The following TG variants were observed in gnomAD, a reference collection of about 807,000 sequenced individuals.
TG encodes the protein thyroglobulin.
In TG, 270 loss-of-function variants were observed where a neutral mutation model predicts 324.7. The observed-to-expected ratio is 0.83, with a 90% CI of 0.75 to 0.92. The LOEUF is 0.92. TG is among the 40% of genes least tolerant of loss of function. TG has a pLI of 0.00. For synonymous variants in TG, 1,401 were observed against 1,327.0 expected (o/e 1.06, Z -1.21); for missense variants, 3,591 against 3,456.4 (o/e 1.04, Z -0.98).
At chr8:133,098,033 C>T (rs973855439) in intron 43 of TG, among the ~76,000 whole-genome samples, 4 of 152,018 alleles carry the variant, frequency 2.6e-5, no homozygotes, top group Non-Finnish European at 2.9e-5. Context: ...ACAGCCAGGG[C>T]AAAATACCTT....
At position 132,873,166 on chromosome 8, in the gene TG, A is replaced by G. The variant is rs375719895; in HGVS notation, c.583A>G (p.Lys195Glu). The G allele has an allele frequency of 8.1e-6, 13 of 1,614,052 alleles. No homozygotes were observed. The highest frequency in any genetic ancestry group is 4.0e-5 in the African/African-American group (3 of 74,900). ...AEGEFMPVQC[K>E]FVNTTDMMIF... ...GGGAGAGTTTATGCCTGTCCAGTGC[A>G]AATTTGTCAACACCACAGACATGAT... The change falls in exon 5 of 48, where the codon AAA (lysine) becomes GAA (glutamate). Residue 195 changes from lysine to glutamate, a missense_variant. Lys to Glu is a moderately conservative substitution (Grantham distance 56). Transcript: ENST00000220616.
At chr8:133,075,849 A>C (rs1384516844) in intron 41 of TG, among the ~76,000 whole-genome samples, 1 of 152,168 alleles carries the variant, frequency 6.6e-6, no homozygotes, top group Non-Finnish European at 1.5e-5. Context: ...ATACTTGGTG[A>C]GCCTAGGTGA....
At chr8:133,132,072 C>A in intron 46 of TG, 126 bp downstream of exon 46, 1 of 1,409,184 alleles carries the variant, frequency 7.1e-7, no homozygotes. Context: ...CTATAATCAC[C>A]AGCCACTGGC....
At chr8:132,901,649 G>T (rs1817949843) in intron 16 of TG, 96 bp downstream of exon 16, 9 of 1,364,590 alleles carry the variant, frequency 6.6e-6, no homozygotes, top group Middle Eastern at 2.6e-4. Context: ...AGGCAGGGGT[G>T]GGAGGGGAGG....
intron 41 of TG, among the ~76,000 whole-genome samples, chr8:133,094,234 G>GTCGTTT (rs1393132820): frequency 7.2e-6 from 1 of 139,760 alleles, no homozygotes; most frequent in East Asian, 2.0e-4. Context: ...GAAGAAACCT[G>GTCGTTT]TCGTTTTCTT....
intron 41 of TG, among the ~76,000 whole-genome samples, chr8:133,068,612 G>T (rs1167845273): frequency 6.6e-6 from 1 of 152,118 alleles, no homozygotes; most frequent in Non-Finnish European, 1.5e-5. Flanking sequence ...AGGTGTTGAG[G>T]GCTGTGCACA....
chr8:132,987,501 A>G (rs2130733244), intron 35 of TG, among the ~76,000 whole-genome samples: 3 of 152,342 alleles, frequency 2.0e-5, no homozygotes, highest in Middle Eastern at 3.4e-3. Context: ...AATATTCACA[A>G]GAAATTTAGG....
In TG at chr8:132,972,758, T is replaced by C. The variant is rs899801356; in HGVS notation, c.6199+17T>C. The C allele has an allele frequency of 1.2e-5, 19 of 1,613,922 alleles. No homozygotes were observed. Among genetic ancestry groups the C allele is most frequent in the Non-Finnish European group, 1.5e-5 (18 of 1,179,956 alleles). On this transcript the variant is annotated intron_variant, in intron 34 of 47. Transcript: ENST00000220616. ...AGAAGCCCAGTAAGTACCCTTCTCA[T>C]GACAGCTATATGGACGTCTTTAGTT...
At chr8:133,052,037 G>A (rs752969311) in intron 41 of TG, among the ~76,000 whole-genome samples, 3 of 152,078 alleles carry the variant, frequency 2.0e-5, no homozygotes, top group African/African-American at 7.2e-5. Context: ...TCCCTGGTTC[G>A]CTCACCCCAA....
At chr8:132,893,314 CTGTA>C (rs1367467871) in intron 10 of TG, among the ~76,000 whole-genome samples, 1 of 99,040 alleles carries the variant, frequency 1.0e-5, no homozygotes, top group East Asian at 3.3e-4. Flanking sequence ...TGTATGTGAT[CTGTA>C]TGTGCATACT....
At position 133,096,137 on chromosome 8, in the gene TG, A is replaced by G. The variant is rs1449282294; in HGVS notation, c.7405-69A>G. Reference sequence around the variant, plus strand: ...CCAGTATTGGCATTCAGTATGGTTAAGACCTCTTTATGCAAAGCAGTGCAA... The same window carrying G: ...CCAGTATTGGCATTCAGTATGGTTAGGACCTCTTTATGCAAAGCAGTGCAA... On this transcript the variant is annotated intron_variant, in intron 42 of 47. Coordinates refer to ENST00000220616, the MANE Select transcript of TG (RefSeq NM_003235.5). 3.8e-6 allele frequency: 6 copies of G among 1,583,462 alleles called. No homozygotes were observed. The African/African-American group carries it at 8.1e-5, about 21-fold the overall frequency.
At position 132,893,913 on chromosome 8, in the gene TG, C is replaced by G. The variant is rs747339329; in HGVS notation, c.2985C>G (p.Arg995=). The change falls in exon 11 of 48, where the codon CGC becomes CGG. Residue 995 remains arginine, a synonymous_variant. Transcript: ENST00000220616. ...QFLRGSDYAI[R]LAAQSTLSFY... is the part of the protein sequence containing the mutation. ...TGCGTGGGAGTGATTACGCCATTCGCCTGGCGGCTCAGTCTAGTGAGTGTG... is the reference window on the plus strand; with the variant it reads ...TGCGTGGGAGTGATTACGCCATTCGGCTGGCGGCTCAGTCTAGTGAGTGTG... 1 of 1,614,038 alleles carries G rather than the reference C, an allele frequency of 6.2e-7. No homozygotes were observed. Among genetic ancestry groups the G allele is most frequent in the Non-Finnish European group, 8.5e-7 (1 of 1,179,952 alleles).
In TG at chr8:133,050,775, C is replaced by G; in HGVS notation, c.7239+20752C>G. 3 of 1,286,916 alleles carry G rather than the reference C, an allele frequency of 2.3e-6. No homozygotes were observed. In the South Asian group the frequency reaches 3.5e-5, roughly 15 times the overall value. The allele number at this position is 1,286,916 out of a possible 1,614,324, so 79.7% of individuals were successfully genotyped here. A position where few individuals can be genotyped will look rare whatever the true frequency, so the allele number is the denominator to read the frequency against. The stretch of plus-strand genomic sequence containing the variant: ...TACTTTTCTCCCAAACCAAGTTTAT[C>G]CTGCTTTGAAGATTGCACAAGTTTT... On this transcript the variant is annotated intron_variant, in intron 41 of 47. Transcript: ENST00000220616.
chr8:132,919,386 T>C lies in TG; in HGVS notation c.4389T>C (p.Pro1463=). The C allele has an allele frequency of 6.2e-7, 1 of 1,614,106 alleles. No homozygotes were observed. Among genetic ancestry groups the C allele is most frequent in the East Asian group, 2.2e-5 (1 of 44,880 alleles). The change falls in exon 21 of 48, where the codon CCT becomes CCC. Residue 1463 remains proline (P), a synonymous_variant. Coordinates refer to ENST00000220616, the MANE Select transcript of TG (RefSeq NM_003235.5). ...SQDGLGCVKC[P]EGSYSQDEEC... ...TCTGTTTTTTTCTAGTTAAGTGTCCTGAAGGAAGCTATTCCCAAGATGAGG... is the reference window on the plus strand; with the variant it reads ...TCTGTTTTTTTCTAGTTAAGTGTCCCGAAGGAAGCTATTCCCAAGATGAGG...
chr8:133,126,387 C>T (rs1268012821), intron 45 of TG, among the ~76,000 whole-genome samples: 1 of 152,156 alleles, frequency 6.6e-6, no homozygotes, highest in East Asian at 1.9e-4. Context: ...ATTGAGGATG[C>T]ATGTTTAGGG....
intron 41 of TG, among the ~76,000 whole-genome samples, chr8:133,081,691 C>T (rs1845776170): frequency 6.6e-6 from 1 of 151,826 alleles, no homozygotes; most frequent in South Asian, 2.1e-4. Context: ...ATTGCTCAAC[C>T]TAGACCCACT....
intron 45 of TG, among the ~76,000 whole-genome samples, chr8:133,130,705 G>A (rs978058979): frequency 6.6e-6 from 1 of 152,146 alleles, no homozygotes; most frequent in South Asian, 2.1e-4. Flanking sequence ...CACTAAGATC[G>A]ATCCTGGATT....
intron 41 of TG, chr8:133,094,657 G>T: frequency 3.1e-6 from 1 of 323,726 alleles, no homozygotes; most frequent in Non-Finnish European, 6.0e-6. Flanking sequence ...CCCCCCAGGA[G>T]GTGCTGGTGG....
intron 41 of TG, among the ~76,000 whole-genome samples, chr8:133,078,449 C>T (rs1401273563): frequency 6.6e-6 from 1 of 152,220 alleles, no homozygotes; most frequent in Non-Finnish European, 1.5e-5. Flanking sequence ...CTAACCATTC[C>T]TCTCTCAACC....
Sources: allele counts gnomAD v4.1 joint callset (sites outside exome capture counted in the v4.1 genomes callset), GRCh38; gene constraint gnomAD v4.1.1; transcripts MANE v1.5; gene names NCBI Gene and HGNC (gene_info 2026-07-23, HGNC 2026-07-21).